The following LIMS1 variants were observed in gnomAD, a reference collection of about 807,000 sequenced individuals.
LIMS1 encodes the protein LIM zinc finger domain containing 1, also known as LIM and senescent cell antigen-like-containing domain protein 1.
A neutral mutation model predicts 44.1 loss-of-function variants in LIMS1; 18 were observed. That is an observed-to-expected ratio of 0.41 (90% confidence interval 0.28 to 0.61). LIMS1 has a LOEUF of 0.61. LIMS1 is among the 20% of genes least tolerant of loss of function. The probability of loss-of-function intolerance (pLI) is 0.32; values close to 1 mark genes in which losing one functional copy is unlikely to be tolerated. For synonymous variants in LIMS1, 93 were observed against 149.1 expected (o/e 0.62, Z 2.74); for missense variants, 201 against 422.0 (o/e 0.48, Z 4.59).
intron 1 of LIMS1, among the ~76,000 whole-genome samples, chr2:108,590,899 AC>A (rs1422419917): frequency 6.6e-6 from 1 of 152,142 alleles, no homozygotes; most frequent in Non-Finnish European, 1.5e-5. Context: ...CCTCTTGTTC[AC>A]CTCTGTATTC....
intron 1 of LIMS1, among the ~76,000 whole-genome samples, chr2:108,565,833 G>T (rs1024838944): frequency 2.0e-5 from 3 of 152,174 alleles, no homozygotes; most frequent in Non-Finnish European, 2.9e-5. Flanking sequence ...CACCTTGAAG[G>T]CTGTGGCTTC....
At chr2:108,583,638 T>C (rs796421877) in intron 1 of LIMS1, among the ~76,000 whole-genome samples, 14 of 152,018 alleles carry the variant, frequency 9.2e-5, no homozygotes, top group African/African-American at 3.4e-4. Context: ...TAAATAAAGA[T>C]CTATGTCCAT....
intron 1 of LIMS1, among the ~76,000 whole-genome samples, chr2:108,639,172 G>T (rs1689492873): frequency 6.6e-6 from 1 of 152,174 alleles, no homozygotes; most frequent in Non-Finnish European, 1.5e-5. Flanking sequence ...ACACACAGTG[G>T]GTGCTATGGC....
chr2:108,624,589 TCTACTAAAA>T (rs1688453251), intron 1 of LIMS1, among the ~76,000 whole-genome samples: 1 of 151,290 alleles, frequency 6.6e-6, no homozygotes, highest in South Asian at 2.1e-4. Context: ...AAACCCCATC[TCTACTAAAA>T]ATACAAAGAT....
chr2:108,684,733 G>T (rs1355270168), exon 10 of LIMS1: 5 of 151,928 alleles, frequency 3.3e-5, no homozygotes, highest in African/African-American at 7.2e-5. Flanking sequence ...TACAATATTG[G>T]AAAATGAAGT....
At chr2:108,680,131 G>A (rs1692858264) in intron 8 of LIMS1, among the ~76,000 whole-genome samples, 1 of 152,018 alleles carries the variant, frequency 6.6e-6, no homozygotes, top group Admixed American at 6.6e-5. Flanking sequence ...AGCACTCTGG[G>A]AGGCCAAGAC....
At chr2:108,634,038 G>T (rs183777213) in intron 1 of LIMS1, among the ~76,000 whole-genome samples, 57 of 152,316 alleles carry the variant, frequency 3.7e-4, no homozygotes, top group African/African-American at 1.3e-3. Context: ...CTGGATGCTG[G>T]CTGTAGCCTC....
exon 10 of LIMS1, chr2:108,685,783 A>G (rs1693265890): frequency 6.6e-6 from 1 of 152,180 alleles, no homozygotes; most frequent in East Asian, 1.9e-4. Context: ...GGGAGTATTT[A>G]TTAAATATTA....
At chr2:108,607,917 C>T (rs1325725110) in intron 1 of LIMS1, among the ~76,000 whole-genome samples, 1 of 152,176 alleles carries the variant, frequency 6.6e-6, no homozygotes, top group African/African-American at 2.4e-5. Context: ...TCAGGAGCCA[C>T]ATGGTGGCAG....
chr2:108,630,457 A>G (rs1053271091), intron 1 of LIMS1, among the ~76,000 whole-genome samples: 2 of 148,064 alleles, frequency 1.4e-5, no homozygotes, highest in Non-Finnish European at 2.9e-5. Flanking sequence ...CGACTTGATG[A>G]CTGTTGGAGT....
rs191022618 is a variant in LIMS1 at position 108,644,851 on chromosome 2, A to G, written c.33-14754A>G. On this transcript the variant is annotated intron_variant, in intron 1 of 9. Transcript: ENST00000544547. ...ACACAGTACAAGAACTTCATGAAGC[A>G]CACACAAGTATCAACAGCCAAGTCG... Among the ~76,000 whole-genome samples, 40 of 152,094 alleles carry G rather than the reference A, an allele frequency of 2.6e-4. 1 individual carries two copies. The East Asian group carries it at 7.8e-3, about 30-fold the overall frequency.
At chr2:108,621,514 G>A (rs1573471321) in intron 1 of LIMS1, 1 of 1,300,546 alleles carries the variant, frequency 7.7e-7, no homozygotes, top group Non-Finnish European at 1.1e-6. Flanking sequence ...TCTAGTAAGT[G>A]CAGTGGGGAT....
At chr2:108,556,978 C>G (rs530423147) in intron 1 of LIMS1, among the ~76,000 whole-genome samples, 5 of 152,186 alleles carry the variant, frequency 3.3e-5, no homozygotes, top group African/African-American at 1.2e-4. Flanking sequence ...CTGACCCCTT[C>G]TTTAAAACAG....
At chr2:108,569,186 TG>T in intron 1 of LIMS1, among the ~76,000 whole-genome samples, 1 of 152,122 alleles carries the variant, frequency 6.6e-6, no homozygotes, top group African/African-American at 2.4e-5. Context: ...CCACCGCACC[TG>T]GCCGTGTTGT....
intron 1 of LIMS1, among the ~76,000 whole-genome samples, chr2:108,552,789 G>T (rs766236560): frequency 2.0e-5 from 3 of 152,016 alleles, no homozygotes; most frequent in Non-Finnish European, 4.4e-5. Context: ...TGTTGCCCAG[G>T]CTAGTCTGGA....
intron 1 of LIMS1, among the ~76,000 whole-genome samples, chr2:108,575,027 A>C (rs112950886): frequency 6.6e-6 from 1 of 152,162 alleles, no homozygotes; most frequent in Admixed American, 6.5e-5. Context: ...TTAATAATTC[A>C]TATAAGTGTC....
At chr2:108,585,271 C>T (rs1034998138) in intron 1 of LIMS1, among the ~76,000 whole-genome samples, 1 of 151,890 alleles carries the variant, frequency 6.6e-6, no homozygotes, top group South Asian at 2.1e-4. Context: ...TAGCAGGTTC[C>T]TTAGACCGCT....
At chr2:108,679,458 C>A (rs1692799741) in intron 8 of LIMS1, among the ~76,000 whole-genome samples, 1 of 151,902 alleles carries the variant, frequency 6.6e-6, no homozygotes, top group African/African-American at 2.4e-5. Context: ...CCAGCCTGGG[C>A]AACAAGAGCA....
At chr2:108,638,598 T>C (rs901070710) in intron 1 of LIMS1, among the ~76,000 whole-genome samples, 2 of 151,308 alleles carry the variant, frequency 1.3e-5, no homozygotes, top group African/African-American at 2.4e-5. Flanking sequence ...AATACAAAAA[T>C]TAGCCTGGTG....
Sources: allele counts gnomAD v4.1 joint callset (sites outside exome capture counted in the v4.1 genomes callset), GRCh38; gene constraint gnomAD v4.1.1; transcripts MANE v1.5; gene names NCBI Gene and HGNC (gene_info 2026-07-23, HGNC 2026-07-21).